SGCD: variants seen among roughly 807,000 people sequenced by gnomAD.
SGCD encodes delta-sarcoglycan.
A neutral mutation model predicts 36.6 loss-of-function variants in SGCD; 18 were observed. The ratio of observed to expected loss-of-function variants is 0.49; its 90% CI spans 0.34 to 0.73. The LOEUF (loss-of-function observed/expected upper bound fraction) is 0.73, where lower values mean the gene tolerates loss of function less well. SGCD is among the 30% of genes least tolerant of loss of function. SGCD has a pLI of 0.01. For missense variants in SGCD, 387 were observed against 346.7 expected (o/e 1.12, Z -0.92); for synonymous variants, 133 against 130.6 (o/e 1.02, Z -0.12).
intron 1 of SGCD, among the ~76,000 whole-genome samples, chr5:155,964,877 A>G (rs1374402509): frequency 2.0e-5 from 3 of 152,106 alleles, no homozygotes; most frequent in Non-Finnish European, 2.9e-5. Context: ...CAACGCCTGC[A>G]TGTATTCTCC....
chr5:156,634,338 C>T (rs1372351275), intron 6 of SGCD, among the ~76,000 whole-genome samples: 1 of 152,270 alleles, frequency 6.6e-6, no homozygotes, highest in African/African-American at 2.4e-5. Context: ...ATGAGTTGAT[C>T]TGTGCAGCAA....
At chr5:155,834,897 G>A in the SGCD span, among the ~76,000 whole-genome samples, 1 of 149,716 alleles carries the variant, frequency 6.7e-6, no homozygotes, top group Non-Finnish European at 1.5e-5. Flanking sequence ...GTGCAGTGGT[G>A]CAGTCTGGGC....
chr5:156,727,081 T>G (rs929541100), intron 7 of SGCD, among the ~76,000 whole-genome samples: 6 of 152,208 alleles, frequency 3.9e-5, no homozygotes, highest in Non-Finnish European at 7.3e-5. Context: ...CAGGGACCAC[T>G]GCACCTGCGG....
chr5:155,827,142 C>A, the SGCD span, among the ~76,000 whole-genome samples: 1 of 152,150 alleles, frequency 6.6e-6, no homozygotes, highest in Non-Finnish European at 1.5e-5. Context: ...ACTAATGGGT[C>A]ACCCTACATG....
At chr5:156,524,183 A>ATTAT (rs1491565220) in intron 4 of SGCD, among the ~76,000 whole-genome samples, 2 of 20,688 alleles carry the variant, frequency 9.7e-5, no homozygotes, top group Non-Finnish European at 2.7e-4. Context: ...TATAGGTCTT[A>ATTAT]CTATATATAT....
chr5:156,246,566 C>T (rs754837001), intron 3 of SGCD, among the ~76,000 whole-genome samples: 1 of 151,952 alleles, frequency 6.6e-6, no homozygotes, highest in Non-Finnish European at 1.5e-5. Context: ...TTCTTATTCA[C>T]ACTATTTGAA....
At chr5:156,220,514 G>A (rs1191814757) in intron 3 of SGCD, among the ~76,000 whole-genome samples, 6 of 152,128 alleles carry the variant, frequency 3.9e-5, no homozygotes, top group African/African-American at 1.4e-4. Context: ...AATAAGTGAT[G>A]TTATGAATGG....
chr5:156,175,599 T>A (rs1353051237), intron 3 of SGCD, among the ~76,000 whole-genome samples: 4 of 152,204 alleles, frequency 2.6e-5, no homozygotes, highest in Non-Finnish European at 5.9e-5. Context: ...TAAGATATTG[T>A]TACTCAGTGG....
intron 4 of SGCD, among the ~76,000 whole-genome samples, chr5:156,565,517 A>G (rs1759442596): frequency 6.6e-6 from 1 of 152,302 alleles, no homozygotes; most frequent in African/African-American, 2.4e-5. Flanking sequence ...GGATTTATTC[A>G]TATTTTATTT....
chr5:156,746,457 GT>G (rs1044533141), intron 7 of SGCD, among the ~76,000 whole-genome samples: 2 of 152,206 alleles, frequency 1.3e-5, no homozygotes, highest in African/African-American at 4.8e-5. Flanking sequence ...ATAAATAAAT[GT>G]TGATTGTATA....
chr5:156,262,532 A>G (rs1421250154), intron 3 of SGCD, among the ~76,000 whole-genome samples: 1 of 152,028 alleles, frequency 6.6e-6, no homozygotes, highest in Non-Finnish European at 1.5e-5. Context: ...TATTAGGTAA[A>G]TTTTTATTTT....
chr5:155,905,769 A>C (rs1756494643), intron 1 of SGCD, among the ~76,000 whole-genome samples: 1 of 152,038 alleles, frequency 6.6e-6, no homozygotes, highest in South Asian at 2.1e-4. Context: ...TGGGTTTATC[A>C]GGGGTTTCTG....
intron 1 of SGCD, among the ~76,000 whole-genome samples, chr5:156,084,967 C>T (rs1257670647): frequency 6.6e-6 from 1 of 152,092 alleles, no homozygotes; most frequent in African/African-American, 2.4e-5. Context: ...TCTTCATTCG[C>T]TTGTTGATAT....
At chr5:156,120,160 G>T (rs1762001813) in intron 2 of SGCD, among the ~76,000 whole-genome samples, 1 of 152,066 alleles carries the variant, frequency 6.6e-6, no homozygotes, top group Non-Finnish European at 1.5e-5. Flanking sequence ...CCTTTACTGT[G>T]CCATGTGGCA....
At chr5:156,011,982 C>T (rs759174066) in intron 1 of SGCD, among the ~76,000 whole-genome samples, 1 of 152,168 alleles carries the variant, frequency 6.6e-6, no homozygotes, top group African/African-American at 2.4e-5. Flanking sequence ...AAAACATAAA[C>T]CCTCTAAAAT....
intron 3 of SGCD, among the ~76,000 whole-genome samples, chr5:156,463,264 G>C (rs1402708438): frequency 6.6e-6 from 1 of 151,958 alleles, no homozygotes; most frequent in Non-Finnish European, 1.5e-5. Context: ...GGATGGTCTC[G>C]ATCTCCTGAC....
At chr5:156,094,671 T>A (rs1761333514) in intron 1 of SGCD, among the ~76,000 whole-genome samples, 1 of 152,152 alleles carries the variant, frequency 6.6e-6, no homozygotes, top group Non-Finnish European at 1.5e-5. Context: ...TTGCCCAGAA[T>A]GTACCCCAAG....
intron 3 of SGCD, among the ~76,000 whole-genome samples, chr5:156,259,114 G>GTTTATTTATTTATTTATTTA (rs561763416): frequency 1.4e-5 from 2 of 146,690 alleles, no homozygotes; most frequent in African/African-American, 5.0e-5. Context: ...AACACTGGCT[G>GTTTATTTATTTATTTATTTA]TTTATTTATT....
intron 7 of SGCD, among the ~76,000 whole-genome samples, chr5:156,750,412 G>A (rs994193543): frequency 1.1e-4 from 16 of 152,130 alleles, no homozygotes; most frequent in Middle Eastern, 3.4e-3. Context: ...ACAGTCGCGC[G>A]CAGTGGCTCA....
Sources: allele counts gnomAD v4.1 joint callset (sites outside exome capture counted in the v4.1 genomes callset), GRCh38; gene constraint gnomAD v4.1.1; transcripts MANE v1.5; gene names NCBI Gene and HGNC (gene_info 2026-07-23, HGNC 2026-07-21).